PARVB: variants seen among roughly 807,000 people sequenced by gnomAD.
PARVB encodes the protein beta-parvin.
In PARVB, 46 loss-of-function variants were observed where a neutral mutation model predicts 47.0. That is an observed-to-expected ratio of 0.98 (90% CI 0.77 to 1.25). The LOEUF (loss-of-function observed/expected upper bound fraction) is 1.25, where lower values mean the gene tolerates loss of function less well. Among genes scored for constraint, PARVB ranks in the 50% most tolerant of loss-of-function variants. The pLI is 0.00. For missense variants in PARVB, 473 were observed against 471.6 expected, an observed-to-expected ratio of 1.00 and a Z score of -0.03; for synonymous variants, 196 against 196.3, an observed-to-expected ratio of 1.00 and a Z score of 0.01.
rs2053170125 is a variant in PARVB at position 44,125,627 on chromosome 22, G to T, written c.377-5860G>T. ...GGAGGAGCAGTGAAAAGAAGCGGAGGCGGGGCCCAGGTGGCAGAGAGGGAG... is the reference window on the plus strand; with the variant it reads ...GGAGGAGCAGTGAAAAGAAGCGGAGTCGGGGCCCAGGTGGCAGAGAGGGAG... On this transcript the variant is annotated intron_variant, in intron 4 of 12. Coordinates refer to ENST00000338758, the MANE Select transcript of PARVB (RefSeq NM_013327.5). This position sits in a 1 kb window ranked among gnomAD's most constrained non-coding sequence, Gnocchi z 4.1. Among the ~76,000 whole-genome samples, 1 of 152,158 alleles carries T rather than the reference G, an allele frequency of 6.6e-6. No individual in the cohort carries two copies. The highest frequency in any genetic ancestry group is 2.4e-5 in the African/African-American group (1 of 41,424).
chr22:44,109,921 G>A (rs1043144371), intron 3 of PARVB: 2 of 151,298 alleles, frequency 1.3e-5, no homozygotes, highest in Non-Finnish European at 2.9e-5. Context: ...AGACCATCCC[G>A]GCTAAAACGG....
At chr22:44,044,138 G>T (rs2051070899) in intron 1 of PARVB, among the ~76,000 whole-genome samples, 1 of 151,868 alleles carries the variant, frequency 6.6e-6, no homozygotes, top group African/African-American at 2.4e-5. Flanking sequence ...CACATTCTTA[G>T]GGGCCCACAA....
intron 1 of PARVB, among the ~76,000 whole-genome samples, chr22:44,070,629 A>G (rs537228724): frequency 3.2e-4 from 49 of 152,342 alleles, no homozygotes; most frequent in Non-Finnish European, 6.3e-4. Flanking sequence ...AAGGAGGGGC[A>G]TAATGAAATT....
At chr22:44,122,584 G>GAC (rs1569134647) in intron 4 of PARVB, among the ~76,000 whole-genome samples, 32 of 127,516 alleles carry the variant, frequency 2.5e-4, no homozygotes, top group African/African-American at 8.6e-4. Context: ...GAGAGAGAGA[G>GAC]AGAGAGAGAG....
rs2054278466 is a variant in PARVB at position 44,172,488 on chromosome 22, A to T, written c.*3810A>T. 6.2e-6 allele frequency: 1 copy of T among 162,064 alleles called. No individual in the cohort carries two copies. The highest frequency in any genetic ancestry group is 5.7e-5 in the Admixed American group (1 of 17,684). 10.0% of individuals were successfully genotyped at this position (162,064 alleles called of 1,614,324 possible). On this transcript the variant is annotated 3_prime_UTR_variant, in exon 13 of 13. Transcript: ENST00000338758. ...GACAAGGGCAGGAAGGTATTTGCTG[A>T]TTCTCCTTCTCCATGTGACGTGTCT...
At chr22:44,135,245 C>T (rs1277751718) in intron 6 of PARVB, among the ~76,000 whole-genome samples, 1 of 151,988 alleles carries the variant, frequency 6.6e-6, no homozygotes, top group East Asian at 1.9e-4. Flanking sequence ...CTGCCATGCC[C>T]CCCTCACTAC....
At chr22:44,122,893 A>C (rs1280374549) in intron 4 of PARVB, among the ~76,000 whole-genome samples, 1 of 152,142 alleles carries the variant, frequency 6.6e-6, no homozygotes, top group Non-Finnish European at 1.5e-5. Flanking sequence ...TTATTCACCC[A>C]GTCTCCTATG....
intron 1 of PARVB, among the ~76,000 whole-genome samples, chr22:44,065,038 A>G (rs1187003773): frequency 6.6e-6 from 1 of 152,152 alleles, no homozygotes; most frequent in Non-Finnish European, 1.5e-5. Flanking sequence ...TTTACTTTGA[A>G]TGGCATTGGA....
chr22:44,079,346 T>C (rs968526), intron 1 of PARVB, among the ~76,000 whole-genome samples: 15,727 of 152,250 alleles, frequency 0.1, 862 homozygotes, highest in African/African-American at 0.13. Flanking sequence ...AGGCCAGTAA[T>C]TGGAGGGACA....
chr22:44,016,843 C>T (rs1247474972), intron 2 of PARVB, among the ~76,000 whole-genome samples: 4 of 152,076 alleles, frequency 2.6e-5, no homozygotes, highest in African/African-American at 7.2e-5. Context: ...TAGGGATGTT[C>T]GACCTGTGGC....
chr22:44,017,496 A>G (rs550305712), intron 2 of PARVB, among the ~76,000 whole-genome samples: 219 of 152,300 alleles, frequency 1.4e-3, no homozygotes, highest in African/African-American at 5.1e-3. Context: ...TCCTCTTACA[A>G]TTAAGCACCA....
chr22:44,090,024 G>A (rs936054491), intron 1 of PARVB, among the ~76,000 whole-genome samples: 11 of 152,302 alleles, frequency 7.2e-5, no homozygotes, highest in African/African-American at 2.4e-4. Context: ...CAGAGACCCT[G>A]TACATCCACA....
chr22:44,026,732 A>G (rs1569059420), intron 1 of PARVB, among the ~76,000 whole-genome samples: 1 of 151,684 alleles, frequency 6.6e-6, no homozygotes, highest in Non-Finnish European at 1.5e-5. Flanking sequence ...TGCCTGCTGC[A>G]CCGTCGGCTT....
chr22:44,096,566 C>T (rs960166969), intron 2 of PARVB, among the ~76,000 whole-genome samples: 10 of 152,162 alleles, frequency 6.6e-5, no homozygotes, highest in African/African-American at 1.7e-4. Flanking sequence ...TTCAGTGACC[C>T]TGTGAGGTGG....
chr22:44,059,656 C>T (rs2051383830), intron 1 of PARVB, among the ~76,000 whole-genome samples: 1 of 152,150 alleles, frequency 6.6e-6, no homozygotes, highest in Non-Finnish European at 1.5e-5. Flanking sequence ...ATGCCTGTTG[C>T]CACAAAATGT....
chr22:44,018,890 C>T (rs899072779), intron 2 of PARVB, among the ~76,000 whole-genome samples: 11 of 144,138 alleles, frequency 7.6e-5, no homozygotes, highest in Admixed American at 5.3e-4. Flanking sequence ...TATAAAGGAA[C>T]GCCTGGAGCT....
intron 3 of PARVB, among the ~76,000 whole-genome samples, chr22:44,117,410 G>A (rs2052933471): frequency 6.6e-6 from 1 of 152,004 alleles, no homozygotes; most frequent in South Asian, 2.1e-4. Flanking sequence ...GCAGCTCTTT[G>A]GGAACTGAGG....
chr22:44,059,516 C>G (rs970412883), intron 1 of PARVB, among the ~76,000 whole-genome samples: 2 of 152,180 alleles, frequency 1.3e-5, no homozygotes, highest in Non-Finnish European at 2.9e-5. Flanking sequence ...CATCCTGTTC[C>G]ATTTGTCAGC....
At chr22:44,088,755 A>G (rs1482410139) in intron 1 of PARVB, among the ~76,000 whole-genome samples, 1 of 152,152 alleles carries the variant, frequency 6.6e-6, no homozygotes, top group Non-Finnish European at 1.5e-5. Context: ...TACAGGTTTG[A>G]GCCACCGTGC....
Sources: gnomAD v4.1 joint callset for allele counts (sites outside exome capture counted in the v4.1 genomes callset) on GRCh38, gnomAD v4.1.1 for gene constraint, Gnocchi (gnomAD v3.1) non-coding constraint, MANE v1.5 for transcripts, NCBI Gene and HGNC (gene_info 2026-07-23, HGNC 2026-07-21) for gene names.